FAM13A: variants seen among roughly 807,000 people sequenced by gnomAD.
FAM13A encodes family with sequence similarity 13 member A.
A neutral mutation model predicts 129.6 loss-of-function variants in FAM13A; 76 were observed. The ratio of observed to expected loss-of-function variants is 0.59; its 90% CI spans 0.49 to 0.71. The LOEUF (loss-of-function observed/expected upper bound fraction) is 0.71. FAM13A is among the 30% of genes least tolerant of loss of function. The pLI is 0.00. For synonymous variants in FAM13A, 443 were observed against 449.9 expected, an observed-to-expected ratio of 0.98 and a Z score of 0.20; for missense variants, 1,108 against 1,249.3, an observed-to-expected ratio of 0.89 and a Z score of 1.70.
At chr4:88,886,449 G>T (rs375488466) in intron 6 of FAM13A, among the ~76,000 whole-genome samples, 1 of 151,662 alleles carries the variant, frequency 6.6e-6, no homozygotes, top group Non-Finnish European at 1.5e-5. Context: ...TTAGCCAGGC[G>T]TGGTGGCATG....
In FAM13A at chr4:88,823,375, C is replaced by T. The variant is rs970439726; in HGVS notation, c.1008-18323G>A. 8.1e-6 allele frequency: 8 copies of T among 983,232 alleles called. No individual in the cohort carries two copies. In the East Asian group the frequency reaches 6.1e-4, roughly 75 times the overall value. The allele number at this position is 983,232 out of a possible 1,614,324, so 60.9% of individuals were successfully genotyped here. A position where few individuals can be genotyped will look rare whatever the true frequency, so the allele number is the denominator to read the frequency against. Reference sequence around the variant, plus strand: ...CTGCTCCTCAATGGTCCCTCCTCCTCCTCTTCCTCCTCCTCCTTCTCTCCT... The same window carrying T: ...CTGCTCCTCAATGGTCCCTCCTCCTTCTCTTCCTCCTCCTCCTTCTCTCCT... On this transcript the variant is annotated intron_variant, in intron 7 of 23. Coordinates refer to ENST00000264344, the MANE Select transcript of FAM13A (RefSeq NM_014883.4).
intron 5 of FAM13A, among the ~76,000 whole-genome samples, chr4:88,922,389 T>G (rs942821523): frequency 1.3e-5 from 2 of 152,076 alleles, no homozygotes; most frequent in African/African-American, 4.8e-5. Context: ...AACTCAGGAT[T>G]AAGAAACTCA....
At chr4:88,964,095 C>T (rs1163097217) in intron 4 of FAM13A, among the ~76,000 whole-genome samples, 2 of 152,180 alleles carry the variant, frequency 1.3e-5, no homozygotes, top group African/African-American at 4.8e-5. Context: ...CTGCAATCTG[C>T]CTAGTTAGAT....
intron 4 of FAM13A, among the ~76,000 whole-genome samples, chr4:88,961,288 C>T (rs1240280151): frequency 5.4e-5 from 8 of 149,060 alleles, no homozygotes; most frequent in African/African-American, 2.0e-4. Context: ...ACAAATAATA[C>T]CTATATTTGC....
chr4:88,781,405 A>G, intron 10 of FAM13A, 54 bp from the exon 11 acceptor site: 1 of 1,263,750 alleles, frequency 7.9e-7, no homozygotes, highest in Non-Finnish European at 1.1e-6. Flanking sequence ...TGGTCATTGA[A>G]TGATACTCTA....
At chr4:89,024,520 A>T (rs764457509) in intron 2 of FAM13A, among the ~76,000 whole-genome samples, 4 of 152,204 alleles carry the variant, frequency 2.6e-5, no homozygotes, top group African/African-American at 9.6e-5. Flanking sequence ...AATTGCATTT[A>T]CGTGAAACAA....
At chr4:88,990,729 C>T (rs1324271058) in intron 4 of FAM13A, 6 of 366,570 alleles carry the variant, frequency 1.6e-5, no homozygotes, top group East Asian at 8.5e-5. Flanking sequence ...TAACTTATTT[C>T]CAGATTTTTA....
chr4:89,029,482 T>C lies in FAM13A; in HGVS notation c.195A>G (p.Ile65Met). 6.3e-7 allele frequency: 1 copy of C among 1,597,790 alleles called. No individual in the cohort carries two copies. Among genetic ancestry groups the C allele is most frequent in the Non-Finnish European group, 8.5e-7 (1 of 1,175,648 alleles). ...CACCATGCTGCGTCAAATATTCCACTATATTCCACACTACTGCTGGAATGC... is the reference window on the plus strand; with the variant it reads ...CACCATGCTGCGTCAAATATTCCACCATATTCCACACTACTGCTGGAATGC... ...ENGIPAVVWNIVEYLTQHGLT... is the reference protein window; with the variant it reads ...ENGIPAVVWNMVEYLTQHGLT... The change falls in exon 2 of 24, where the codon ATA becomes ATG. Residue 65 changes from isoleucine to methionine, a missense_variant. Around this residue, in one of 3 missense-constraint regions of FAM13A, gnomAD observed 566 missense variants for 595.7 expected, o/e 0.95. Coordinates refer to ENST00000264344, the MANE Select transcript of FAM13A (RefSeq NM_014883.4).
intron 4 of FAM13A, among the ~76,000 whole-genome samples, chr4:88,952,588 C>T (rs184478255): frequency 1.6e-4 from 25 of 152,258 alleles, no homozygotes; most frequent in East Asian, 1.5e-3. Flanking sequence ...TTCTGTACTA[C>T]GTATAGGTAC....
At chr4:88,951,574 GT>G (rs1756959752) in intron 4 of FAM13A, among the ~76,000 whole-genome samples, 1 of 152,080 alleles carries the variant, frequency 6.6e-6, no homozygotes, top group Non-Finnish European at 1.5e-5. Flanking sequence ...GTAACTTTTA[GT>G]TTTATTTTTC....
chr4:89,034,609 C>T (rs554277089), intron 1 of FAM13A, among the ~76,000 whole-genome samples: 2 of 152,252 alleles, frequency 1.3e-5, no homozygotes, highest in South Asian at 4.1e-4. Flanking sequence ...CAGCTGGGCA[C>T]GGTGGCTCAT....
intron 14 of FAM13A, among the ~76,000 whole-genome samples, chr4:88,751,630 G>A (rs1012799421): frequency 2.0e-5 from 3 of 149,332 alleles, no homozygotes; most frequent in Admixed American, 6.7e-5. Context: ...AAAAAAACAC[G>A]CTCAGCACAA....
intron 22 of FAM13A, 36 bp downstream of exon 22, chr4:88,731,966 C>T: frequency 6.5e-7 from 1 of 1,532,942 alleles, no homozygotes; most frequent in Non-Finnish European, 8.9e-7. Flanking sequence ...GCTATTTTTA[C>T]CAAAACATTT....
intron 1 of FAM13A, among the ~76,000 whole-genome samples, chr4:89,052,259 T>C (rs1252818452): frequency 1.0e-5 from 1 of 98,626 alleles, no homozygotes; most frequent in East Asian, 2.0e-4. Context: ...GCTTTCTTTT[T>C]TTTTTTTCTT....
At chr4:88,907,725 C>G (rs545282437) in intron 5 of FAM13A, among the ~76,000 whole-genome samples, 161 of 152,332 alleles carry the variant, frequency 1.1e-3, no homozygotes, top group African/African-American at 3.8e-3. Flanking sequence ...AAAGATTGTT[C>G]TGTAAAACAT....
At chr4:88,845,695 T>C (rs1468102661) in intron 7 of FAM13A, among the ~76,000 whole-genome samples, 2 of 152,144 alleles carry the variant, frequency 1.3e-5, no homozygotes, top group Non-Finnish European at 2.9e-5. Flanking sequence ...CAGTTACCCC[T>C]GGGGGAGAAA....
chr4:88,729,108 T>C (rs1484494325), intron 23 of FAM13A: 2 of 153,778 alleles, frequency 1.3e-5, no homozygotes, highest in African/African-American at 2.4e-5. Context: ...ATACTCCTAC[T>C]TATCATAAAA....
intron 11 of FAM13A, among the ~76,000 whole-genome samples, chr4:88,772,192 A>G (rs571525605): frequency 2.6e-5 from 4 of 152,346 alleles, no homozygotes; most frequent in African/African-American, 7.2e-5. Context: ...AAACAGGTTC[A>G]TTATTCTAAC....
At chr4:88,937,381 A>G (rs1339147247) in intron 5 of FAM13A, 1 of 152,208 alleles carries the variant, frequency 6.6e-6, no homozygotes, top group Non-Finnish European at 1.5e-5. Flanking sequence ...CAGCTCCATC[A>G]TGATTCACCT....
Sources: gnomAD v4.1 joint callset for allele counts (sites outside exome capture counted in the v4.1 genomes callset) on GRCh38, gnomAD v4.1.1 for gene constraint, gnomAD v4.1.1 regional missense constraint, MANE v1.5 for transcripts, NCBI Gene and HGNC (gene_info 2026-07-23, HGNC 2026-07-21) for gene names.